The following CNTNAP2 variants were observed in gnomAD, a reference collection of about 807,000 sequenced individuals.
CNTNAP2 encodes the protein contactin-associated protein-like 2.
In CNTNAP2, 98 loss-of-function variants were observed where a neutral mutation model predicts 155.2. That is an observed-to-expected ratio of 0.63 (90% CI 0.54 to 0.75). The LOEUF is 0.75. CNTNAP2 is among the 30% of genes least tolerant of loss of function. The pLI is 0.00. For missense variants in CNTNAP2, 1,727 were observed against 1,688.1 expected, an observed-to-expected ratio of 1.02 and a Z score of -0.40; for synonymous variants, 651 against 631.2, an observed-to-expected ratio of 1.03 and a Z score of -0.47.
At chr7:146,767,886 T>C (rs1802225302) in intron 1 of CNTNAP2, among the ~76,000 whole-genome samples, 1 of 152,124 alleles carries the variant, frequency 6.6e-6, no homozygotes, top group Non-Finnish European at 1.5e-5. Flanking sequence ...CCCCAATTTA[T>C]GTTGCTAGGA....
chr7:147,072,743 G>A (rs1355790515), intron 4 of CNTNAP2, among the ~76,000 whole-genome samples: 1 of 152,058 alleles, frequency 6.6e-6, no homozygotes, highest in Non-Finnish European at 1.5e-5. Context: ...TGGACTGATG[G>A]GAGAGACTCA....
At position 146,762,350 on chromosome 7, in the gene CNTNAP2, C is replaced by A. The variant is rs550215894; in HGVS notation, c.98-11921C>A. On this transcript the variant is annotated intron_variant, in intron 1 of 23. Coordinates refer to ENST00000361727, the MANE Select transcript of CNTNAP2 (RefSeq NM_014141.6). The stretch of plus-strand genomic sequence containing the variant: ...GTGTGGTGGCTCACACCTGTAATCC[C>A]AGCACTTTGGGAGGCCGAGGCGGGA... Among the ~76,000 whole-genome samples, 6 of 152,238 alleles carry A rather than the reference C, an allele frequency of 3.9e-5. No individual in the cohort carries two copies. The East Asian group carries it at 1.2e-3, about 29-fold the overall frequency.
intron 1 of CNTNAP2, among the ~76,000 whole-genome samples, chr7:146,597,858 A>G (rs1219130246): frequency 2.6e-5 from 4 of 152,166 alleles, no homozygotes; most frequent in Non-Finnish European, 1.5e-5. Context: ...CAAAATTGCT[A>G]AAATTATAAC....
intron 21 of CNTNAP2, among the ~76,000 whole-genome samples, chr7:148,306,604 A>G (rs1797496128): frequency 6.6e-6 from 1 of 151,636 alleles, no homozygotes; most frequent in African/African-American, 2.4e-5. Flanking sequence ...CAAGAGCTCT[A>G]TTTTTTGTTC....
chr7:146,273,435 A>G (rs371435375), intron 1 of CNTNAP2, among the ~76,000 whole-genome samples: 9 of 152,316 alleles, frequency 5.9e-5, no homozygotes, highest in African/African-American at 2.2e-4. Context: ...TGTAAGCCAC[A>G]CAATATATGT....
At chr7:147,168,118 T>G (rs1357058056) in intron 8 of CNTNAP2, among the ~76,000 whole-genome samples, 1 of 149,068 alleles carries the variant, frequency 6.7e-6, no homozygotes, top group Non-Finnish European at 1.5e-5. Flanking sequence ...ATCTATGACA[T>G]TAGACATAAT....
rs771716669 is a variant in CNTNAP2, at chr7:146,971,526, A to G, written c.403-72381A>G. Among the ~76,000 whole-genome samples, 13 of 152,190 alleles carry G rather than the reference A, an allele frequency of 8.5e-5. 1 individual carries two copies. Among genetic ancestry groups the G allele is most frequent in the Non-Finnish European group, 1.6e-4 (11 of 68,038 alleles). On this transcript the variant is annotated intron_variant, in intron 3 of 23. Transcript: ENST00000361727. ...CTTAGAGGTGGATAGCTTATCAACA[A>G]TAACAAAAATGAATGTCTCACAGTT...
rs139972423 is a variant in CNTNAP2 at position 147,200,385 on chromosome 7, T to C, written c.1348+67876T>C. On this transcript the variant is annotated intron_variant, in intron 8 of 23. Coordinates refer to ENST00000361727, the MANE Select transcript of CNTNAP2 (RefSeq NM_014141.6). The stretch of plus-strand genomic sequence containing the variant: ...AAGGACAGCTTATTGCTCGTAGCAA[T>C]AGTGGACAGAATATCAACATTTTCA... Among the ~76,000 whole-genome samples the C allele has an allele frequency of 2.2e-3, 339 of 152,196 alleles. 2 individuals are homozygous for C. The highest frequency in any genetic ancestry group is 7.9e-3 in the African/African-American group (330 of 41,520).
intron 1 of CNTNAP2, among the ~76,000 whole-genome samples, chr7:146,581,422 T>C (rs1233609370): frequency 6.6e-6 from 1 of 152,150 alleles, no homozygotes; most frequent in African/African-American, 2.4e-5. Flanking sequence ...ATAATAGCAG[T>C]AGCTGAGCTT....
chr7:146,442,969 G>A (rs1348834838), intron 1 of CNTNAP2, among the ~76,000 whole-genome samples: 1 of 152,048 alleles, frequency 6.6e-6, no homozygotes, highest in Non-Finnish European at 1.5e-5. Context: ...CACTTTGGGA[G>A]GCCGAGGCGG....
At chr7:147,628,064 G>T (rs538599000) in intron 12 of CNTNAP2, among the ~76,000 whole-genome samples, 1 of 152,206 alleles carries the variant, frequency 6.6e-6, no homozygotes, top group East Asian at 1.9e-4. Flanking sequence ...ATATTTGAGG[G>T]AATACTTGAG....
At chr7:147,778,343 C>G (rs1797618553) in intron 13 of CNTNAP2, among the ~76,000 whole-genome samples, 1 of 152,162 alleles carries the variant, frequency 6.6e-6, no homozygotes, top group Admixed American at 6.5e-5. Flanking sequence ...AAGTTACTTT[C>G]TTGTCATCAT....
intron 10 of CNTNAP2, among the ~76,000 whole-genome samples, chr7:147,434,189 G>T (rs1382994509): frequency 6.6e-6 from 1 of 152,164 alleles, no homozygotes; most frequent in Non-Finnish European, 1.5e-5. Flanking sequence ...AATAGTTGTA[G>T]TATTCTGTAC....
chr7:147,094,054 C>G (rs945777960), intron 4 of CNTNAP2, among the ~76,000 whole-genome samples: 4 of 152,172 alleles, frequency 2.6e-5, no homozygotes, highest in African/African-American at 9.7e-5. Context: ...TAGAATCACA[C>G]ACTGGTGGCT....
At chr7:148,007,370 A>T (rs929778410) in intron 15 of CNTNAP2, among the ~76,000 whole-genome samples, 3 of 151,324 alleles carry the variant, frequency 2.0e-5, no homozygotes, top group Non-Finnish European at 2.9e-5. Flanking sequence ...GTAGGAAGTA[A>T]GCTATTCTCC....
intron 13 of CNTNAP2, among the ~76,000 whole-genome samples, chr7:147,706,444 A>G (rs1025284590): frequency 6.6e-6 from 1 of 152,016 alleles, no homozygotes; most frequent in South Asian, 2.1e-4. Context: ...AGCACTTTCA[A>G]TATATCATCT....
intron 13 of CNTNAP2, among the ~76,000 whole-genome samples, chr7:147,746,791 C>A (rs968601556): frequency 1.3e-5 from 2 of 152,194 alleles, no homozygotes; most frequent in South Asian, 4.1e-4. Flanking sequence ...TGCTTATAGA[C>A]CAGACACATG....
At chr7:148,210,573 T>C (rs1795529365) in intron 18 of CNTNAP2, among the ~76,000 whole-genome samples, 1 of 152,270 alleles carries the variant, frequency 6.6e-6, no homozygotes, top group Admixed American at 6.5e-5. Context: ...TTGTGTCTTG[T>C]GGGCCACACG....
chr7:146,890,322 G>A (rs1056247928), intron 3 of CNTNAP2, among the ~76,000 whole-genome samples: 8 of 152,132 alleles, frequency 5.3e-5, no homozygotes, highest in African/African-American at 1.9e-4. Context: ...GACCACAAGT[G>A]AGAAAATAAG....
Sources: gnomAD v4.1 joint callset for allele counts (sites outside exome capture counted in the v4.1 genomes callset) on GRCh38, gnomAD v4.1.1 for gene constraint, MANE v1.5 for transcripts, NCBI Gene and HGNC (gene_info 2026-07-23, HGNC 2026-07-21) for gene names.